VAV2: variants seen among roughly 807,000 people sequenced by gnomAD.
The protein encoded by VAV2 is vav guanine nucleotide exchange factor 2, also known as guanine nucleotide exchange factor VAV2.
In VAV2, 67 loss-of-function variants were observed where a neutral mutation model predicts 132.5. The ratio of observed to expected loss-of-function variants is 0.51; its 90% confidence interval spans 0.42 to 0.62. VAV2 has a LOEUF of 0.62. Ranked by LOEUF, VAV2 falls within the 20% of genes least tolerant of loss-of-function variation. VAV2 has a pLI of 0.00. For synonymous variants in VAV2, 492 were observed against 443.5 expected (o/e 1.11, Z -1.37); for missense variants, 938 against 1,153.6 (o/e 0.81, Z 2.71).
chr9:133,821,907 C>T (rs1334443231), intron 4 of VAV2, among the ~76,000 whole-genome samples: 1 of 152,238 alleles, frequency 6.6e-6, no homozygotes, highest in East Asian at 1.9e-4. Context: ...CTCATCCTTT[C>T]ACTCCTGCTG....
At position 133,918,644 on chromosome 9, in the gene VAV2, G is replaced by A. The variant is rs946072513; in HGVS notation, c.321+20459C>T. On this transcript the variant is annotated intron_variant, in intron 2 of 29. Coordinates refer to ENST00000371850, the MANE Select transcript of VAV2 (RefSeq NM_001134398.2). This position sits in a 1 kb window ranked among gnomAD's most constrained non-coding sequence, Gnocchi z 4.7. ...GCCCACAGAGTCATGTAGCATGCCC[G>A]AGGTCGCGCCTTTAATAAACACACA... Among the ~76,000 whole-genome samples the A allele has an allele frequency of 6.6e-6, 1 of 152,016 alleles. No homozygotes were observed. Among genetic ancestry groups the A allele is most frequent in the Non-Finnish European group, 1.5e-5 (1 of 68,000 alleles).
At chr9:133,818,183 T>C (rs1331927827) in intron 4 of VAV2, among the ~76,000 whole-genome samples, 4 of 151,802 alleles carry the variant, frequency 2.6e-5, no homozygotes, top group African/African-American at 9.7e-5. Flanking sequence ...TCTAACATGA[T>C]GAAAACCCGT....
At position 133,879,198 on chromosome 9, in the gene VAV2, C is replaced by T. The variant is rs766076936; in HGVS notation, c.322-17766G>A. Among the ~76,000 whole-genome samples the T allele has an allele frequency of 3.3e-5, 5 of 152,192 alleles. No individual in the cohort carries two copies. Among genetic ancestry groups the T allele is most frequent in the East Asian group, 1.9e-4 (1 of 5,192 alleles). On this transcript the variant is annotated intron_variant, in intron 2 of 29. Coordinates refer to ENST00000371850, the MANE Select transcript of VAV2 (RefSeq NM_001134398.2). This position sits in a 1 kb window ranked among gnomAD's most constrained non-coding sequence, Gnocchi z 4.4. ...CTGCGCCCCAGGCCCTCCTCTGTAA[C>T]GAGGCCCTCTGGGGGCTCTTGCTTC...
At chr9:133,871,320 G>A (rs1486362621) in intron 2 of VAV2, among the ~76,000 whole-genome samples, 1 of 150,894 alleles carries the variant, frequency 6.6e-6, no homozygotes, top group African/African-American at 2.4e-5. Context: ...GGATGAATTG[G>A]GGGTGGATGG....
chr9:133,895,148 G>A (rs1044184222), intron 2 of VAV2, among the ~76,000 whole-genome samples: 11 of 152,148 alleles, frequency 7.2e-5, no homozygotes, highest in African/African-American at 2.7e-4. Context: ...GGGGGACAGG[G>A]GCTCAACTCC....
chr9:133,966,039 C>G (rs925594456), intron 1 of VAV2, among the ~76,000 whole-genome samples: 1 of 152,142 alleles, frequency 6.6e-6, no homozygotes, highest in Admixed American at 6.5e-5. Flanking sequence ...GGGGAAAGAA[C>G]AATCTCTAAT....
intron 20 of VAV2, chr9:133,780,182 G>A (rs114436421): frequency 5.6e-4 from 308 of 550,578 alleles, no homozygotes; most frequent in African/African-American, 5.5e-3. Context: ...CCTTACCACG[G>A]GCCCCCACCT....
intron 1 of VAV2, among the ~76,000 whole-genome samples, chr9:133,986,384 G>A (rs1203008236): frequency 6.6e-6 from 1 of 152,214 alleles, no homozygotes; most frequent in Non-Finnish European, 1.5e-5. Flanking sequence ...GCAGCCCCAG[G>A]TTGACAGAGG....
intron 1 of VAV2, among the ~76,000 whole-genome samples, chr9:133,944,824 C>A (rs1841302519): frequency 6.6e-6 from 1 of 152,228 alleles, no homozygotes; most frequent in Non-Finnish European, 1.5e-5. Context: ...GAGCGTGGGG[C>A]CGGGCTGACC....
intron 2 of VAV2, among the ~76,000 whole-genome samples, chr9:133,870,371 T>C (rs554667128): frequency 6.6e-6 from 1 of 152,260 alleles, no homozygotes; most frequent in Non-Finnish European, 1.5e-5. Context: ...TGAAGGGGAA[T>C]GCATGAAAGG....
intron 1 of VAV2, among the ~76,000 whole-genome samples, chr9:133,964,077 AGGC>A (rs1842068304): frequency 7.0e-6 from 1 of 143,672 alleles, no homozygotes. Flanking sequence ...ATAAATGAAT[AGGC>A]CAGGTATGTT....
At chr9:133,915,263 A>C (rs1840035787) in intron 2 of VAV2, among the ~76,000 whole-genome samples, 1 of 152,098 alleles carries the variant, frequency 6.6e-6, no homozygotes, top group Non-Finnish European at 1.5e-5. Flanking sequence ...CCCCCACACC[A>C]CCGTCCCGCC....
chr9:133,937,824 C>T (rs560146821), intron 2 of VAV2, among the ~76,000 whole-genome samples: 35 of 152,238 alleles, frequency 2.3e-4, no homozygotes, highest in Middle Eastern at 3.4e-3. Context: ...CAGGCAGGTG[C>T]GCTGCTGCAG....
intron 1 of VAV2, among the ~76,000 whole-genome samples, chr9:133,989,647 C>T (rs548292532): frequency 5.0e-4 from 76 of 151,318 alleles, no homozygotes; most frequent in African/African-American, 1.7e-3. Flanking sequence ...ATTGCGCCAC[C>T]GCACTCCAGC....
chr9:133,816,776 T>C (rs143504238), intron 4 of VAV2, among the ~76,000 whole-genome samples: 2 of 152,360 alleles, frequency 1.3e-5, no homozygotes, highest in African/African-American at 2.4e-5. Flanking sequence ...ATTGGATTGC[T>C]TGGATCTCTG....
intron 3 of VAV2, among the ~76,000 whole-genome samples, chr9:133,844,079 G>C (rs562552344): frequency 7.9e-5 from 12 of 152,272 alleles, no homozygotes; most frequent in African/African-American, 1.4e-4. Context: ...CCAGAACCTC[G>C]GCAAGGCAGA....
At chr9:133,957,213 G>C (rs1240991973) in intron 1 of VAV2, among the ~76,000 whole-genome samples, 1 of 152,166 alleles carries the variant, frequency 6.6e-6, no homozygotes, top group Non-Finnish European at 1.5e-5. Context: ...TGCAGGTCCG[G>C]TCTCATTTCA....
intron 29 of VAV2, among the ~76,000 whole-genome samples, chr9:133,767,145 AT>A (rs1264400571): frequency 6.6e-6 from 1 of 152,220 alleles, no homozygotes; most frequent in Non-Finnish European, 1.5e-5. Flanking sequence ...CAGTAATTAC[AT>A]TAAATGTAAA....
At chr9:133,976,814 G>A (rs959056593) in intron 1 of VAV2, among the ~76,000 whole-genome samples, 13 of 152,186 alleles carry the variant, frequency 8.5e-5, no homozygotes, top group East Asian at 1.9e-4. Context: ...CTGCATGGAC[G>A]GACTCTGTGT....
Sources: allele counts gnomAD v4.1 joint callset (sites outside exome capture counted in the v4.1 genomes callset), GRCh38; gene constraint gnomAD v4.1.1; non-coding constraint Gnocchi (gnomAD v3.1); transcripts MANE v1.5; gene names NCBI Gene and HGNC (gene_info 2026-07-23, HGNC 2026-07-21).